R3HCC1L: variants seen among roughly 807,000 people sequenced by gnomAD.
R3HCC1L encodes the protein coiled-coil domain-containing protein R3HCC1L.
R3HCC1L carries 51 observed loss-of-function variants against 59.9 expected under a neutral mutation model. That is an observed-to-expected ratio of 0.85 (90% CI 0.68 to 1.07). R3HCC1L has a LOEUF of 1.07. R3HCC1L is among the 50% of genes least tolerant of loss of function. The probability of loss-of-function intolerance (pLI) is 0.00; values close to 1 mark genes in which losing one functional copy is unlikely to be tolerated. For synonymous variants in R3HCC1L, 322 were observed against 315.2 expected (o/e 1.02, Z -0.23); for missense variants, 965 against 933.0 (o/e 1.03, Z -0.45).
At chr10:98,236,240 T>G in intron 9 of R3HCC1L, 76 bp downstream of exon 9, 3 of 1,534,804 alleles carry the variant, frequency 2.0e-6, no homozygotes, top group Non-Finnish European at 2.6e-6. Context: ...AAAAAATGAA[T>G]GAAGCCCATT....
intron 4 of R3HCC1L, among the ~76,000 whole-genome samples, chr10:98,164,253 G>A (rs1223402375): frequency 6.6e-6 from 1 of 152,208 alleles, no homozygotes; most frequent in Non-Finnish European, 1.5e-5. Context: ...GCTAAACACA[G>A]TGAGAAATAA....
intron 4 of R3HCC1L, among the ~76,000 whole-genome samples, chr10:98,165,414 T>A (rs944252582): frequency 5.3e-5 from 8 of 152,196 alleles, no homozygotes; most frequent in African/African-American, 1.9e-4. Context: ...GGGATAGGGC[T>A]TATCTTTTCC....
At chr10:98,210,061 A>C (rs553517126) in intron 5 of R3HCC1L, among the ~76,000 whole-genome samples, 162 bp downstream of exon 5, 1 of 152,212 alleles carries the variant, frequency 6.6e-6, no homozygotes, top group Non-Finnish European at 1.5e-5. Flanking sequence ...GATCTTTAAA[A>C]AATAAAATAT....
intron 5 of R3HCC1L, among the ~76,000 whole-genome samples, chr10:98,224,978 G>A (rs1426915614): frequency 6.6e-6 from 1 of 152,166 alleles, no homozygotes; most frequent in African/African-American, 2.4e-5. Flanking sequence ...GTAATAACAG[G>A]TAAAATTAAT....
chr10:98,209,211 A>G lies in R3HCC1L; in HGVS notation c.1097A>G (p.Lys366Arg). ...AHETHRDSGF[K>R]NVGDITNKAC... ...GAAACACATAGAGATAGTGGATTTA[A>G]GAATGTAGGTGACATTACCAATAAA... is the stretch of plus-strand genomic sequence containing the variant. Residue 366 changes from lysine to arginine, a missense_variant, in exon 5 of 10, where the codon AAG (lysine) becomes AGG (arginine). Coordinates refer to ENST00000298999, the MANE Select transcript of R3HCC1L (RefSeq NM_001351015.2). 6.2e-7 allele frequency: 1 copy of G among 1,613,896 alleles called. No individual in the cohort carries two copies. Among genetic ancestry groups the G allele is most frequent in the Non-Finnish European group, 8.5e-7 (1 of 1,180,010 alleles).
chr10:98,243,244 C>A (rs1857738590), intron 9 of R3HCC1L, among the ~76,000 whole-genome samples: 1 of 152,192 alleles, frequency 6.6e-6, no homozygotes, highest in African/African-American at 2.4e-5. Context: ...CTTATACAGG[C>A]ATTATCAATT....
chr10:98,184,597 C>G (rs1335558390), intron 4 of R3HCC1L, among the ~76,000 whole-genome samples: 1 of 152,184 alleles, frequency 6.6e-6, no homozygotes, highest in Non-Finnish European at 1.5e-5. Flanking sequence ...AGACCATATT[C>G]CTGTCATTAC....
At chr10:98,215,221 A>G (rs1004013939) in intron 5 of R3HCC1L, among the ~76,000 whole-genome samples, 5 of 152,194 alleles carry the variant, frequency 3.3e-5, no homozygotes, top group African/African-American at 1.2e-4. Flanking sequence ...GAATAATGAG[A>G]CTTATTTATT....
intron 1 of R3HCC1L, among the ~76,000 whole-genome samples, chr10:98,154,252 A>G (rs1846609960): frequency 6.6e-6 from 1 of 150,452 alleles, no homozygotes; most frequent in African/African-American, 2.4e-5. Context: ...TCTTAGCCCC[A>G]TGTGAGGCAT....
At chr10:98,211,218 C>G in intron 5 of R3HCC1L, 1 of 795,486 alleles carries the variant, frequency 1.3e-6, no homozygotes, top group East Asian at 2.7e-5. Flanking sequence ...AAGTATGGTC[C>G]CTAGACCAGC....
rs1335700065 is a variant in R3HCC1L at position 98,208,517 on chromosome 10, C to T, written c.403C>T (p.Pro135Ser). ...AAATGCTGGGGTTATAACTAATGCA[C>T]CTTTGCAGAGACATTTTAAACCAAA... ...APNAGVITNA[P>S]LQRHFKPKKV... The change falls in exon 5 of 10, where the codon CCT becomes TCT. Residue 135 changes from proline (P) to serine (S), a missense_variant. Physicochemically the swap from Pro to Ser is moderately conservative, Grantham distance 74 (BLOSUM62 -1). Coordinates refer to ENST00000298999, the MANE Select transcript of R3HCC1L (RefSeq NM_001351015.2). The T allele has an allele frequency of 6.2e-7, 1 of 1,614,122 alleles. No homozygotes were observed. Among genetic ancestry groups the T allele is most frequent in the African/African-American group, 1.3e-5 (1 of 75,036 alleles).
chr10:98,197,304 C>T (rs375501992), intron 4 of R3HCC1L, among the ~76,000 whole-genome samples: 2 of 152,116 alleles, frequency 1.3e-5, no homozygotes, highest in East Asian at 1.9e-4. Context: ...AGTTTTTGCA[C>T]GTGTTCATTC....
At chr10:98,188,042 C>G (rs963369615) in intron 4 of R3HCC1L, among the ~76,000 whole-genome samples, 3 of 151,998 alleles carry the variant, frequency 2.0e-5, no homozygotes, top group African/African-American at 7.3e-5. Context: ...TTATACTTGG[C>G]CAAAGGAATT....
At chr10:98,153,420 G>C (rs188861681) in intron 1 of R3HCC1L, among the ~76,000 whole-genome samples, 12 of 152,198 alleles carry the variant, frequency 7.9e-5, no homozygotes, top group East Asian at 3.9e-4. Flanking sequence ...CAGCAGACTC[G>C]TTAAAGAGTC....
At chr10:98,149,531 G>A (rs1845954887) in intron 1 of R3HCC1L, among the ~76,000 whole-genome samples, 2 of 152,120 alleles carry the variant, frequency 1.3e-5, no homozygotes, top group South Asian at 4.2e-4. Context: ...TATAGATTGT[G>A]GTGTGTTACA....
At chr10:98,178,845 C>T (rs1240771319) in intron 4 of R3HCC1L, among the ~76,000 whole-genome samples, 2 of 152,138 alleles carry the variant, frequency 1.3e-5, no homozygotes. Flanking sequence ...GGAGTTCACT[C>T]ATGATTTGGC....
intron 1 of R3HCC1L, among the ~76,000 whole-genome samples, chr10:98,153,609 TAAAAA>T (rs1160637755): frequency 3.7e-5 from 3 of 81,014 alleles, no homozygotes; most frequent in African/African-American, 1.3e-4. Flanking sequence ...AATGATCAAT[TAAAAA>T]AAAAAAAAAA....
At chr10:98,138,542 C>T (rs1047624984) in intron 1 of R3HCC1L, among the ~76,000 whole-genome samples, 11 of 151,770 alleles carry the variant, frequency 7.2e-5, no homozygotes, top group African/African-American at 2.7e-4. Flanking sequence ...AAAAAAAAAT[C>T]AATTAAACAC....
chr10:98,216,021 CAG>C (rs893827089), intron 5 of R3HCC1L, among the ~76,000 whole-genome samples: 8 of 152,114 alleles, frequency 5.3e-5, no homozygotes, highest in African/African-American at 1.7e-4. Context: ...TTGTGAAAAA[CAG>C]AATCAGAATC....
Sources: allele counts gnomAD v4.1 joint callset (sites outside exome capture counted in the v4.1 genomes callset), GRCh38; gene constraint gnomAD v4.1.1; transcripts MANE v1.5; gene names NCBI Gene and HGNC (gene_info 2026-07-23, HGNC 2026-07-21).